YTHDC1: variants seen among roughly 807,000 people sequenced by gnomAD.
The protein encoded by YTHDC1 is YTH N6-methyladenosine RNA binding protein C1.
A neutral mutation model predicts 107.0 loss-of-function variants in YTHDC1; 12 were observed. That is an observed-to-expected ratio of 0.11 (90% CI 0.07 to 0.18). The LOEUF is 0.18. Among genes scored for constraint, YTHDC1 ranks in the 10% least tolerant of loss-of-function variants. The pLI, the probability that YTHDC1 is intolerant of heterozygous loss-of-function variation, is 1.00. For synonymous variants in YTHDC1, 280 were observed against 289.5 expected (o/e 0.97, Z 0.33); for missense variants, 635 against 898.8 (o/e 0.71, Z 3.75).
chr4:68,342,525 A>T (rs956092089), intron 1 of YTHDC1, among the ~76,000 whole-genome samples: 1 of 152,216 alleles, frequency 6.6e-6, no homozygotes, highest in East Asian at 1.9e-4. Flanking sequence ...TGTCATACAT[A>T]ATACATGACA....
At chr4:68,346,455 C>A (rs557160259) in intron 1 of YTHDC1, among the ~76,000 whole-genome samples, 13 of 152,068 alleles carry the variant, frequency 8.5e-5, no homozygotes, top group Non-Finnish European at 1.5e-4. Flanking sequence ...GGGTTTGTTA[C>A]CCCCAGTCAA....
intron 9 of YTHDC1, among the ~76,000 whole-genome samples, chr4:68,328,279 T>C (rs2109706156): frequency 6.6e-6 from 1 of 152,324 alleles, no homozygotes; most frequent in East Asian, 1.9e-4. Context: ...TGCAAATATG[T>C]TACATTACAA....
intron 1 of YTHDC1, among the ~76,000 whole-genome samples, chr4:68,347,226 ATAGAT>A (rs1293079436): frequency 2.0e-5 from 3 of 152,240 alleles, no homozygotes; most frequent in South Asian, 2.1e-4. Context: ...CACATTTTGG[ATAGAT>A]TAAACTTTTG....
intron 1 of YTHDC1, among the ~76,000 whole-genome samples, chr4:68,346,711 A>G (rs1406460816): frequency 6.6e-6 from 1 of 152,036 alleles, no homozygotes; most frequent in Non-Finnish European, 1.5e-5. Context: ...GTTCAAAGTA[A>G]CTCTTATTTT....
At chr4:68,348,139 T>C (rs1164097777) in intron 1 of YTHDC1, among the ~76,000 whole-genome samples, 3 of 152,232 alleles carry the variant, frequency 2.0e-5, no homozygotes, top group Admixed American at 1.3e-4. Context: ...CACTAAATCA[T>C]TTCTAAAGCA....
intron 1 of YTHDC1, among the ~76,000 whole-genome samples, chr4:68,347,821 GATC>G (rs2109752904): frequency 6.6e-6 from 1 of 152,244 alleles, no homozygotes; most frequent in African/African-American, 2.4e-5. Context: ...GTGTGATGAT[GATC>G]ATCAAGTAAA....
chr4:68,331,691 C>T (rs1723598942), intron 7 of YTHDC1, among the ~76,000 whole-genome samples: 1 of 151,854 alleles, frequency 6.6e-6, no homozygotes, highest in South Asian at 2.1e-4. Context: ...ATAAAACTCT[C>T]CATAAAAGAA....
Position 68,316,464 on chromosome 4 carries a change from C to G in YTHDC1, c.1825-16G>C, listed in dbSNP as rs779002361. 7.5e-6 allele frequency: 12 copies of G among 1,609,250 alleles called. No homozygotes were observed. Among genetic ancestry groups the G allele is most frequent in the Non-Finnish European group, 1.0e-5 (12 of 1,177,932 alleles). ...GGTAAGGGGGCTAAAAAAGGAAAAC[C>G]ATTTACATTAAGAATCTACCAACAC... is the stretch of plus-strand genomic sequence containing the variant. On this transcript the variant is annotated splice_polypyrimidine_tract_variant and intron_variant, in intron 15 of 16. Coordinates refer to ENST00000344157, the MANE Select transcript of YTHDC1 (RefSeq NM_001031732.4).
chr4:68,349,824 C>A lies in YTHDC1; in HGVS notation c.-71G>T, dbSNP rs542175214. The A allele has an allele frequency of 3.1e-5, 50 of 1,607,026 alleles. 1 individual carries two copies. The Admixed American group carries it at 5.5e-4, about 18-fold the overall frequency. ...ACGCGACTCGCGCGGGCGCCGCAGC[C>A]GCGGCAGAAGCACGGGCCCGTCCGT... On this transcript the variant is annotated 5_prime_UTR_variant, in exon 1 of 17. Transcript: ENST00000344157.
Position 68,333,413 on chromosome 4 carries a change from G to GA in YTHDC1, c.884-17_884-16insT, listed in dbSNP as rs1553905152. The stretch of plus-strand genomic sequence containing the variant: ...TTTTTCTCATCTAAAAAGAACAAGA[G>GA]TTTTTTTTTTAAATCACAATACAGA... On this transcript the variant is annotated splice_polypyrimidine_tract_variant and intron_variant, in intron 4 of 16. Coordinates refer to ENST00000344157, the MANE Select transcript of YTHDC1 (RefSeq NM_001031732.4). 7 of 1,416,016 alleles carry GA rather than the reference G, an allele frequency of 4.9e-6. No homozygotes were observed. Among genetic ancestry groups the GA allele is most frequent in the Non-Finnish European group, 6.8e-6 (7 of 1,035,236 alleles). 87.7% of individuals were successfully genotyped at this position (1,416,016 alleles called of 1,614,324 possible). A position where few individuals can be genotyped will look rare whatever the true frequency, so the allele number is the denominator to read the frequency against.
intron 7 of YTHDC1, among the ~76,000 whole-genome samples, chr4:68,331,591 GC>G (rs1723589200): frequency 6.6e-6 from 1 of 152,012 alleles, no homozygotes; most frequent in African/African-American, 2.4e-5. Flanking sequence ...ACATCCTACA[GC>G]AACTATGCAT....
chr4:68,342,414 C>G (rs1021980354), intron 1 of YTHDC1, among the ~76,000 whole-genome samples: 4 of 151,988 alleles, frequency 2.6e-5, no homozygotes, highest in African/African-American at 9.7e-5. Context: ...GAGACGGGAA[C>G]AGGTAGAAAT....
Position 68,337,393 on chromosome 4 carries a change from C to G in YTHDC1, c.517G>C (p.Glu173Gln). 2 of 1,614,190 alleles carry G rather than the reference C, an allele frequency of 1.2e-6. No individual in the cohort carries two copies. Among genetic ancestry groups the G allele is most frequent in the Non-Finnish European group, 1.7e-6 (2 of 1,180,036 alleles). Reference protein sequence around the residue: ...ASRSSQSSKEEVNSEEYGSDH... With the variant: ...ASRSSQSSKEQVNSEEYGSDH... ...GAGCCATATTCTTCAGAGTTCACTTCTTCCTTAGAAGACTGGCTGGATCTG... is the reference window on the plus strand; with the variant it reads ...GAGCCATATTCTTCAGAGTTCACTTGTTCCTTAGAAGACTGGCTGGATCTG... The change falls in exon 4 of 17, where the codon GAA (glutamate) becomes CAA (glutamine). Residue 173 changes from glutamate to glutamine, a missense_variant. Around this residue, in one of 5 missense-constraint regions of YTHDC1, gnomAD observed 294 missense variants for 312.3 expected, o/e 0.94. Transcript: ENST00000344157.
intron 4 of YTHDC1, 44 bp downstream of exon 4, chr4:68,336,983 T>A (rs1265016068): frequency 6.5e-6 from 10 of 1,532,140 alleles, no homozygotes; most frequent in African/African-American, 1.4e-5. Flanking sequence ...CTGAAACCTA[T>A]CAAGCTTTTT....
chr4:68,320,733 T>C (rs184210777), intron 11 of YTHDC1, among the ~76,000 whole-genome samples: 1 of 152,300 alleles, frequency 6.6e-6, no homozygotes, highest in East Asian at 1.9e-4. Flanking sequence ...GAATTTTACA[T>C]GATCATACAG....
At chr4:68,333,259 A>G (rs1253139303) in intron 5 of YTHDC1, 49 bp downstream of exon 5, 2 of 1,425,828 alleles carry the variant, frequency 1.4e-6, no homozygotes, top group Non-Finnish European at 9.8e-7. Context: ...CGCTTTCTAA[A>G]GCAGATTACA....
At chr4:68,325,402 A>AACTAAGGC (rs1262092285) in intron 9 of YTHDC1, among the ~76,000 whole-genome samples, 2 of 152,182 alleles carry the variant, frequency 1.3e-5, no homozygotes, top group African/African-American at 2.4e-5. Context: ...TTATGTAGAG[A>AACTAAGGC]ACTAAGGCAG....
At chr4:68,342,034 G>C (rs1221066009) in intron 1 of YTHDC1, among the ~76,000 whole-genome samples, 1 of 152,070 alleles carries the variant, frequency 6.6e-6, no homozygotes, top group Middle Eastern at 3.2e-3. Flanking sequence ...ATAAAATCTG[G>C]TCCAGAACAC....
chr4:68,345,389 C>T (rs1725295820), intron 1 of YTHDC1, among the ~76,000 whole-genome samples: 1 of 152,054 alleles, frequency 6.6e-6, no homozygotes, highest in Admixed American at 6.5e-5. Context: ...TTTTCTAACA[C>T]AAGGTACCAA....
Sources: gnomAD v4.1 joint callset for allele counts (sites outside exome capture counted in the v4.1 genomes callset) on GRCh38, gnomAD v4.1.1 for gene constraint, gnomAD v4.1.1 regional missense constraint, MANE v1.5 for transcripts, NCBI Gene and HGNC (gene_info 2026-07-23, HGNC 2026-07-21) for gene names.